The following SLC66A2 variants were observed in gnomAD, a reference collection of about 807,000 sequenced individuals.
SLC66A2 encodes the protein solute carrier family 66 member 2.
SLC66A2 carries 23 observed loss-of-function variants against 25.5 expected under a neutral mutation model. The observed-to-expected ratio is 0.90, with a 90% CI of 0.65 to 1.28. The LOEUF is 1.28. Among genes scored for constraint, SLC66A2 ranks in the 50% most tolerant of loss-of-function variants. The pLI, the probability that SLC66A2 is intolerant of heterozygous loss-of-function variation, is 0.00. For missense variants in SLC66A2, 396 were observed against 373.1 expected, an observed-to-expected ratio of 1.06 and a Z score of -0.51; for synonymous variants, 193 against 166.5, an observed-to-expected ratio of 1.16 and a Z score of -1.23.
rs1568336345 is a variant in SLC66A2, at chr18:79,943,370, CG to C, written c.295del (p.Arg99ValfsTer82). 6.2e-7 allele frequency: 1 copy of C among 1,614,174 alleles called. No individual in the cohort carries two copies. The highest frequency in any genetic ancestry group is 1.7e-5 in the Admixed American group (1 of 60,014). On this transcript the variant is annotated frameshift_variant, in exon 3 of 6. Transcript: ENST00000397778. LOFTEE classifies it high-confidence loss of function. ...CCTGGCGTTGAGCTCGTTGGCCACA[CG>C]GACCTCGGTGCACAGCTTCAGCATC... Reference protein sequence around the residue: ...LLMLKLCTEVRVANELNARRR... With the variant: ...LLMLKLCTEVXVANELNARRR...
At chr18:79,946,018 ACT>A (rs1470439945) in intron 2 of SLC66A2, among the ~76,000 whole-genome samples, 1 of 152,222 alleles carries the variant, frequency 6.6e-6, no homozygotes, top group Non-Finnish European at 1.5e-5. Flanking sequence ...CATTTTGGCC[ACT>A]CTGTGTGAAA....
At position 79,917,703 on chromosome 18, in the gene SLC66A2, G is replaced by C. The variant is rs541309178; in HGVS notation, c.608+1481C>G. 9.9e-5 allele frequency among the ~76,000 whole-genome samples: 15 copies of C among 152,096 alleles called. No individual in the cohort carries two copies. In the South Asian group the frequency reaches 1.7e-3, roughly 17 times the overall value. On this transcript the variant is annotated intron_variant, in intron 5 of 5. Coordinates refer to ENST00000397778, the MANE Select transcript of SLC66A2 (RefSeq NM_025078.5). The surrounding 1 kb of genome is among the most constrained non-coding windows in gnomAD (Gnocchi z 6.0). ...CTGCCACTGCCCAACCCAACAGTGA[G>C]GGAGCCTGTTCCAGCCATGGACACC... is the stretch of plus-strand genomic sequence containing the variant.
chr18:79,910,033 G>GCCTTCCCC (rs1982809223), intron 5 of SLC66A2, among the ~76,000 whole-genome samples: 1 of 62,854 alleles, frequency 1.6e-5, no homozygotes, highest in Non-Finnish European at 3.0e-5. Flanking sequence ...AGAGTCCCCA[G>GCCTTCCCC]ACTTCCCCAC....
chr18:79,915,446 C>A (rs1389620251), intron 5 of SLC66A2: 2 of 152,402 alleles, frequency 1.3e-5, no homozygotes, highest in African/African-American at 4.8e-5. Flanking sequence ...GCTCCTGGTC[C>A]CCGTTCCTGA....
At chr18:79,943,213 C>A in intron 3 of SLC66A2, 116 bp downstream of exon 3, 1 of 1,292,076 alleles carries the variant, frequency 7.7e-7, no homozygotes, top group South Asian at 1.5e-5. Flanking sequence ...GATAACAGCA[C>A]CACTTGGTGA....
chr18:79,922,288 A>G (rs1293938908), intron 4 of SLC66A2, among the ~76,000 whole-genome samples: 3 of 151,718 alleles, frequency 2.0e-5, no homozygotes, highest in African/African-American at 7.3e-5. Flanking sequence ...AAAAGAAAAA[A>G]AAAAAAAAAA....
intron 4 of SLC66A2, among the ~76,000 whole-genome samples, chr18:79,925,871 G>A (rs932099041): frequency 1.3e-5 from 2 of 152,228 alleles, no homozygotes; most frequent in African/African-American, 4.8e-5. Context: ...AGATGAGGCT[G>A]AGGCCCTCTG....
intron 2 of SLC66A2, among the ~76,000 whole-genome samples, chr18:79,948,391 G>A (rs929629722): frequency 1.3e-5 from 2 of 152,212 alleles, no homozygotes; most frequent in Non-Finnish European, 2.9e-5. Context: ...GTCTCTCTCT[G>A]TTGGCCAGAC....
intron 4 of SLC66A2, among the ~76,000 whole-genome samples, chr18:79,923,141 G>C (rs1484472704): frequency 6.7e-6 from 1 of 149,968 alleles, no homozygotes; most frequent in Admixed American, 6.7e-5. Context: ...GTGGGCTCAT[G>C]TGTATTTCAT....
At position 79,950,937 on chromosome 18, in the gene SLC66A2, G is replaced by A; in HGVS notation, c.-11C>T. ...GCCCTCGGCCTCCATCGCAGCGCCCGCCTGGCCGAGGCTGTCACGGGCTCC... is the reference window on the plus strand; with the variant it reads ...GCCCTCGGCCTCCATCGCAGCGCCCACCTGGCCGAGGCTGTCACGGGCTCC... On this transcript the variant is annotated 5_prime_UTR_variant, in exon 2 of 6. Transcript: ENST00000397778. 5 of 1,535,204 alleles carry A rather than the reference G, an allele frequency of 3.3e-6. No individual in the cohort carries two copies. The highest frequency in any genetic ancestry group is 2.6e-6 in the Non-Finnish European group (3 of 1,137,958).
At chr18:79,923,224 G>T (rs1236311015) in intron 4 of SLC66A2, among the ~76,000 whole-genome samples, 1 of 106,498 alleles carries the variant, frequency 9.4e-6, no homozygotes, top group Non-Finnish European at 2.1e-5. Flanking sequence ...ACGGTGAGGG[G>T]GTGGATGGGG....
At chr18:79,912,810 G>A (rs555553935) in intron 5 of SLC66A2, among the ~76,000 whole-genome samples, 20 of 152,280 alleles carry the variant, frequency 1.3e-4, no homozygotes, top group Admixed American at 1.0e-3. Flanking sequence ...CCTGTCACAT[G>A]GGCCAGCCTG....
At chr18:79,943,237 T>C (rs1031915488) in intron 3 of SLC66A2, 92 bp downstream of exon 3, 3 of 1,451,000 alleles carry the variant, frequency 2.1e-6, no homozygotes, top group African/African-American at 2.8e-5. Context: ...GAAAGCTGCT[T>C]GGATCAGGAC....
In SLC66A2 at chr18:79,940,690, G is replaced by C. The variant is rs974406149; in HGVS notation, c.337+2639C>G. Reference sequence around the variant, plus strand: ...TGCCCTCCCCTCTCCTGGCAGATGAGAGGACATGAGCCCACACCTTTCATC... The same window carrying C: ...TGCCCTCCCCTCTCCTGGCAGATGACAGGACATGAGCCCACACCTTTCATC... On this transcript the variant is annotated intron_variant, in intron 3 of 5. Coordinates refer to ENST00000397778, the MANE Select transcript of SLC66A2 (RefSeq NM_025078.5). This position sits in a 1 kb window ranked among gnomAD's most constrained non-coding sequence, Gnocchi z 4.1. 5.3e-5 allele frequency among the ~76,000 whole-genome samples: 8 copies of C among 152,220 alleles called. No homozygotes were observed. Among genetic ancestry groups the C allele is most frequent in the African/African-American group, 1.9e-4 (8 of 41,548 alleles).
At chr18:79,950,181 CCT>C (rs1448450250) in intron 2 of SLC66A2, among the ~76,000 whole-genome samples, 8 of 152,122 alleles carry the variant, frequency 5.3e-5, no homozygotes, top group East Asian at 1.9e-4. Flanking sequence ...CCCCCACTCC[CCT>C]GTCTCTACAA....
At chr18:79,916,915 G>C (rs1984244146) in intron 5 of SLC66A2, among the ~76,000 whole-genome samples, 1 of 152,274 alleles carries the variant, frequency 6.6e-6, no homozygotes, top group African/African-American at 2.4e-5. Flanking sequence ...ATTTGCGATG[G>C]GTGTCTAAGT....
rs1278970459 is a variant in SLC66A2, at chr18:79,902,514, C to CAATT, written c.*1458_*1461dup. 2 of 152,394 alleles carry CAATT rather than the reference C, an allele frequency of 1.3e-5. No individual in the cohort carries two copies. Among genetic ancestry groups the CAATT allele is most frequent in the African/African-American group, 4.8e-5 (2 of 41,582 alleles). 9.4% of individuals were successfully genotyped at this position (152,394 alleles called of 1,614,324 possible). On this transcript the variant is annotated 3_prime_UTR_variant, in exon 6 of 6. Coordinates refer to ENST00000397778, the MANE Select transcript of SLC66A2 (RefSeq NM_025078.5). ...CAGTCGGCGACAGTTTAATGTGAGG[C>CAATT]AATTACCGCTACAGACATCTTGCTT...
At chr18:79,931,770 T>C (rs2144868318) in intron 4 of SLC66A2, among the ~76,000 whole-genome samples, 1 of 152,280 alleles carries the variant, frequency 6.6e-6, no homozygotes, top group Non-Finnish European at 1.5e-5. Flanking sequence ...CCTAGCTCTT[T>C]GGGAGGCTGT....
Position 79,903,789 on chromosome 18 carries a change from A to T in SLC66A2, c.*187T>A. The T allele has an allele frequency of 3.5e-6, 2 of 570,856 alleles. No homozygotes were observed. Among genetic ancestry groups the T allele is most frequent in the Non-Finnish European group, 3.0e-6 (1 of 329,426 alleles). 35.4% of individuals were successfully genotyped at this position (570,856 alleles called of 1,614,324 possible). Reference sequence around the variant, plus strand: ...AACCCTGGCTGTCCCCGCTGAGCACAAACAGCGTCCCAGCCCCACCCCCAC... The same window carrying T: ...AACCCTGGCTGTCCCCGCTGAGCACTAACAGCGTCCCAGCCCCACCCCCAC... On this transcript the variant is annotated 3_prime_UTR_variant, in exon 6 of 6. Coordinates refer to ENST00000397778, the MANE Select transcript of SLC66A2 (RefSeq NM_025078.5).
Sources: allele counts gnomAD v4.1 joint callset (sites outside exome capture counted in the v4.1 genomes callset), GRCh38; gene constraint gnomAD v4.1.1; non-coding constraint Gnocchi (gnomAD v3.1); transcripts MANE v1.5; gene names NCBI Gene and HGNC (gene_info 2026-07-23, HGNC 2026-07-21).